SPAG9: variants seen among roughly 807,000 people sequenced by gnomAD.
SPAG9 encodes C-Jun-amino-terminal kinase-interacting protein 4.
SPAG9 carries 35 observed loss-of-function variants against 166.5 expected under a neutral mutation model. The observed-to-expected ratio is 0.21, with a 90% CI of 0.16 to 0.28. SPAG9 has a LOEUF of 0.28. SPAG9 is among the 10% of genes least tolerant of loss of function. The probability of loss-of-function intolerance (pLI) is 1.00; values close to 1 mark genes in which losing one functional copy is unlikely to be tolerated. For synonymous variants in SPAG9, 534 were observed against 565.5 expected, an observed-to-expected ratio of 0.94 and a Z score of 0.79; for missense variants, 1,235 against 1,603.3, an observed-to-expected ratio of 0.77 and a Z score of 3.92.
At chr17:50,998,663 C>A in intron 14 of SPAG9, 46 bp from the exon 15 acceptor site, 1 of 1,548,178 alleles carries the variant, frequency 6.5e-7, no homozygotes, top group Non-Finnish European at 8.8e-7. Context: ...CTATGAGAAA[C>A]AATCCTTGAT....
Position 51,120,534 on chromosome 17 carries a change from G to C in SPAG9, c.123C>G (p.Arg41=). The C allele has an allele frequency of 6.2e-7, 1 of 1,613,974 alleles. No homozygotes were observed. The stretch of plus-strand genomic sequence containing the variant: ...GCTCTTTGACCACCTCCTCGTCATA[G>C]CGCCCGATAAGCCGCTCGAACTCGC... ...IYREFERLIG[R]YDEEVVKELM... is the part of the protein sequence containing the mutation. The change falls in exon 1 of 30, where the codon CGC becomes CGG. Residue 41 remains arginine, a synonymous_variant. Coordinates refer to ENST00000262013, the MANE Select transcript of SPAG9 (RefSeq NM_001130528.3). This position sits in a 1 kb window ranked among gnomAD's most constrained non-coding sequence, Gnocchi z 4.7.
intron 16 of SPAG9, chr17:50,995,765 G>A (rs146447130): frequency 1.4e-4 from 62 of 431,990 alleles, no homozygotes; most frequent in African/African-American, 4.3e-4. Flanking sequence ...AGGCTTAAGC[G>A]GTCCCCTCCC....
At chr17:51,084,501 GC>G (rs2048254091) in intron 1 of SPAG9, among the ~76,000 whole-genome samples, 1 of 151,996 alleles carries the variant, frequency 6.6e-6, no homozygotes, top group African/African-American at 2.4e-5. Flanking sequence ...CAATACTCCT[GC>G]CTCCAAGCAA....
intron 1 of SPAG9, among the ~76,000 whole-genome samples, chr17:51,099,760 A>T (rs1040206333): frequency 1.5e-5 from 1 of 65,984 alleles, no homozygotes; most frequent in East Asian, 3.3e-4. Flanking sequence ...TTCTATTACT[A>T]AAAAAAAAAA....
At chr17:51,016,271 TCAAAA>T (rs1386350286) in intron 8 of SPAG9, 1 of 151,676 alleles carries the variant, frequency 6.6e-6, no homozygotes, top group Non-Finnish European at 1.5e-5. Flanking sequence ...ATATGTTCCG[TCAAAA>T]CAAAGGCATA....
chr17:51,101,345 CAA>C (rs60896400), intron 1 of SPAG9, among the ~76,000 whole-genome samples: 13,641 of 90,480 alleles, frequency 0.15, 326 homozygotes, highest in African/African-American at 0.23. Context: ...GATTCTGTCT[CAA>C]AAAAAAAAAA....
chr17:50,969,306 A>G (rs1187259809), intron 29 of SPAG9, among the ~76,000 whole-genome samples: 1 of 152,126 alleles, frequency 6.6e-6, no homozygotes, highest in African/African-American at 2.4e-5. Context: ...CAAGATCAAC[A>G]TGATCAGCAC....
rs563397788 is a variant in SPAG9 at position 51,112,975 on chromosome 17, A to G, written c.303+7379T>C. Among the ~76,000 whole-genome samples, 423 of 150,878 alleles carry G rather than the reference A, an allele frequency of 2.8e-3. 2 individuals are homozygous for G. Among genetic ancestry groups the G allele is most frequent in the African/African-American group, 9.8e-3 (402 of 41,106 alleles). ...GAACCTCATCTCTAAAAAAAAGAAA[A>G]AAAAAAAAACCCAACCAAAGGAAAA... On this transcript the variant is annotated intron_variant, in intron 1 of 29. Transcript: ENST00000262013.
At chr17:51,046,490 A>C in intron 4 of SPAG9, 1 of 1,529,800 alleles carries the variant, frequency 6.5e-7, no homozygotes, top group Non-Finnish European at 8.8e-7. Flanking sequence ...TCTAAGAGAG[A>C]TGGGAGTACC....
chr17:51,009,915 T>A (rs774907155), intron 9 of SPAG9, among the ~76,000 whole-genome samples: 1 of 152,160 alleles, frequency 6.6e-6, no homozygotes, highest in African/African-American at 2.4e-5. Flanking sequence ...ATATAACCAA[T>A]AGGATTATCT....
At chr17:51,085,347 G>A (rs549727107) in intron 1 of SPAG9, 9 of 152,272 alleles carry the variant, frequency 5.9e-5, no homozygotes, top group East Asian at 1.9e-4. Context: ...GTTGCTTAGC[G>A]ACCAAGTTCA....
intron 25 of SPAG9, among the ~76,000 whole-genome samples, chr17:50,982,034 G>GAAA (rs896339872): frequency 8.4e-5 from 11 of 130,520 alleles, no homozygotes; most frequent in African/African-American, 3.1e-4. Flanking sequence ...CTCTGTCTCA[G>GAAA]AAAAAAAAAA....
At chr17:51,026,337 A>G (rs956126136) in intron 6 of SPAG9, among the ~76,000 whole-genome samples, 2 of 151,636 alleles carry the variant, frequency 1.3e-5, no homozygotes, top group Non-Finnish European at 2.9e-5. Context: ...AAAAAAAAAA[A>G]AAAAAAAATA....
intron 7 of SPAG9, 128 bp downstream of exon 7, chr17:51,021,030 G>A: frequency 1.3e-6 from 1 of 757,616 alleles, no homozygotes; most frequent in Non-Finnish European, 2.2e-6. Context: ...AGATATAGAG[G>A]GCCAACTATA....
chr17:51,014,012 T>C (rs1407282655), intron 9 of SPAG9, among the ~76,000 whole-genome samples: 2 of 152,266 alleles, frequency 1.3e-5, no homozygotes, highest in East Asian at 3.9e-4. Context: ...ATTCAAAACA[T>C]GAATTTAAAT....
chr17:51,079,659 A>G lies in SPAG9; in HGVS notation c.349T>C (p.Leu117=). ...EDSQEQEKKD[L]QTRVESLESQ... is the part of the protein sequence containing the mutation. ...TCTAAAGATTCCACTCGGGTCTGTA[A>G]GTCCTTTTTTTCCTGTTCTTGAGAG... Residue 117 remains leucine (L), a synonymous_variant, in exon 2 of 30, where the codon TTA becomes CTA. Coordinates refer to ENST00000262013, the MANE Select transcript of SPAG9 (RefSeq NM_001130528.3). The G allele has an allele frequency of 6.2e-7, 1 of 1,607,268 alleles. No homozygotes were observed. The highest frequency in any genetic ancestry group is 8.5e-7 in the Non-Finnish European group (1 of 1,173,876).
rs753619585 is a variant in SPAG9, at chr17:51,068,904, A to G, written c.424+10680T>C. ...GCCCAAATACAGATAATAAAACATAAAACAGCTAAAGACCACAAGTATTAC... is the reference window on the plus strand; with the variant it reads ...GCCCAAATACAGATAATAAAACATAGAACAGCTAAAGACCACAAGTATTAC... On this transcript the variant is annotated intron_variant, in intron 2 of 29. Transcript: ENST00000262013. Among the ~76,000 whole-genome samples the G allele has an allele frequency of 2.0e-5, 3 of 152,194 alleles. No homozygotes were observed. The East Asian group carries it at 5.8e-4, about 29-fold the overall frequency.
intron 6 of SPAG9, among the ~76,000 whole-genome samples, chr17:51,026,335 A>T (rs1002942928): frequency 2.4e-4 from 37 of 151,788 alleles, no homozygotes; most frequent in South Asian, 6.2e-4. Context: ...AAAAAAAAAA[A>T]AAAAAAAAAA....
At chr17:51,118,171 GGT>G (rs1288827077) in intron 1 of SPAG9, among the ~76,000 whole-genome samples, 5 of 151,692 alleles carry the variant, frequency 3.3e-5, no homozygotes, top group South Asian at 2.1e-4. Flanking sequence ...CTGATAACAA[GGT>G]GTGTTTATGT....
Sources: allele counts gnomAD v4.1 joint callset (sites outside exome capture counted in the v4.1 genomes callset), GRCh38; gene constraint gnomAD v4.1.1; non-coding constraint Gnocchi (gnomAD v3.1); transcripts MANE v1.5; gene names NCBI Gene and HGNC (gene_info 2026-07-23, HGNC 2026-07-21).